The following PCSK6 variants were observed in gnomAD, a reference collection of about 807,000 sequenced individuals.
PCSK6 encodes proprotein convertase subtilisin/kexin type 6.
In PCSK6, 85 loss-of-function variants were observed where a neutral mutation model predicts 123.3. That is an observed-to-expected ratio of 0.69 (90% confidence interval 0.58 to 0.83). The LOEUF (loss-of-function observed/expected upper bound fraction) is 0.83, where lower values mean the gene tolerates loss of function less well. Among genes scored for constraint, PCSK6 ranks in the 40% least tolerant of loss-of-function variants. PCSK6 has a pLI of 0.00. For synonymous variants in PCSK6, 508 were observed against 516.0 expected (o/e 0.98, Z 0.21); for missense variants, 1,191 against 1,282.3 (o/e 0.93, Z 1.09).
At chr15:101,488,488 A>AGGGCTGCG (rs2058073849) in intron 1 of PCSK6, among the ~76,000 whole-genome samples, 1 of 152,102 alleles carries the variant, frequency 6.6e-6, no homozygotes, top group Non-Finnish European at 1.5e-5. Flanking sequence ...GGGACAGCCG[A>AGGGCTGCG]GGGCTGCGGG....
chr15:101,312,707 C>A (rs547265259), intron 20 of PCSK6, among the ~76,000 whole-genome samples: 2 of 152,246 alleles, frequency 1.3e-5, no homozygotes, highest in Admixed American at 6.5e-5. Context: ...TGGCGGGTGC[C>A]TGTAGTCCCA....
intron 6 of PCSK6, among the ~76,000 whole-genome samples, chr15:101,403,951 C>G (rs1378597054): frequency 6.6e-6 from 1 of 152,190 alleles, no homozygotes; most frequent in Non-Finnish European, 1.5e-5. Flanking sequence ...GAACTCCTGA[C>G]TTCAGGTGAT....
intron 7 of PCSK6, among the ~76,000 whole-genome samples, chr15:101,396,150 A>T (rs1340604408): frequency 6.6e-6 from 1 of 152,138 alleles, no homozygotes; most frequent in African/African-American, 2.4e-5. Flanking sequence ...CTTCCAAATG[A>T]CGAAAAAAAA....
chr15:101,433,460 C>T (rs568443011), intron 2 of PCSK6, among the ~76,000 whole-genome samples: 1 of 152,318 alleles, frequency 6.6e-6, no homozygotes, highest in Non-Finnish European at 1.5e-5. Flanking sequence ...TTCAGCCTGG[C>T]TCTGGGGCCT....
intron 13 of PCSK6, among the ~76,000 whole-genome samples, chr15:101,343,381 T>C (rs1244299627): frequency 6.6e-6 from 1 of 152,126 alleles, no homozygotes; most frequent in African/African-American, 2.4e-5. Context: ...ATTCCTTCTT[T>C]CTTCATTCTT....
At chr15:101,312,532 C>G (rs1214232430) in intron 20 of PCSK6, 2 of 151,868 alleles carry the variant, frequency 1.3e-5, no homozygotes, top group African/African-American at 4.9e-5. Flanking sequence ...AAGTATCTAA[C>G]TAAAAAAAAT....
intron 1 of PCSK6, among the ~76,000 whole-genome samples, chr15:101,488,714 G>A (rs917803356): frequency 9.2e-5 from 14 of 152,084 alleles, no homozygotes; most frequent in Non-Finnish European, 1.5e-4. Context: ...CGCTCCTGGA[G>A]AGGTTTTAAA....
chr15:101,467,524 C>T (rs1194321927), intron 1 of PCSK6, among the ~76,000 whole-genome samples: 1 of 152,154 alleles, frequency 6.6e-6, no homozygotes, highest in African/African-American at 2.4e-5. Flanking sequence ...CCACCTGCCT[C>T]AGCCTCCCAA....
At chr15:101,478,569 T>C (rs1409391362) in intron 1 of PCSK6, among the ~76,000 whole-genome samples, 2 of 152,176 alleles carry the variant, frequency 1.3e-5, no homozygotes, top group Admixed American at 6.5e-5. Context: ...CCTTTCCTCT[T>C]GTTCTTCTGC....
At chr15:101,352,529 T>G (rs1454433547) in intron 13 of PCSK6, among the ~76,000 whole-genome samples, 1 of 152,242 alleles carries the variant, frequency 6.6e-6, no homozygotes, top group Non-Finnish European at 1.5e-5. Context: ...TGGCCAATTA[T>G]CAATAACTCT....
intron 6 of PCSK6, among the ~76,000 whole-genome samples, chr15:101,409,772 T>C (rs1344455243): frequency 6.6e-6 from 1 of 152,044 alleles, no homozygotes; most frequent in Non-Finnish European, 1.5e-5. Context: ...ATTGCAAGCC[T>C]CCCTGAGAGA....
rs185661175 is a variant in PCSK6 at position 101,374,362 on chromosome 15, A to G, written c.1533-3839T>C. Among the ~76,000 whole-genome samples, 320 of 152,306 alleles carry G rather than the reference A, an allele frequency of 2.1e-3. 4 individuals are homozygous for G. Among genetic ancestry groups the G allele is most frequent in the Non-Finnish European group, 3.2e-4 (22 of 68,036 alleles). ...CAAGTAACCGAGTGCCAGGGGAAGC[A>G]GGAAGACGGGCCACAGGCTGAAACC... On this transcript the variant is annotated intron_variant, in intron 11 of 21. Coordinates refer to ENST00000611716, the MANE Select transcript of PCSK6 (RefSeq NM_002570.5).
chr15:101,435,217 C>T (rs2056563664), intron 2 of PCSK6, among the ~76,000 whole-genome samples: 1 of 152,044 alleles, frequency 6.6e-6, no homozygotes, highest in Non-Finnish European at 1.5e-5. Flanking sequence ...AAACTCCAGC[C>T]CTCCCATCGA....
intron 1 of PCSK6, among the ~76,000 whole-genome samples, chr15:101,474,006 T>G (rs552128510): frequency 6.6e-6 from 1 of 152,376 alleles, no homozygotes; most frequent in Admixed American, 6.5e-5. Context: ...CTTCTTGTTC[T>G]TGGCTAACGG....
intron 1 of PCSK6, among the ~76,000 whole-genome samples, chr15:101,461,016 T>C (rs1032031447): frequency 3.3e-5 from 5 of 151,896 alleles, no homozygotes; most frequent in African/African-American, 1.2e-4. Context: ...GGTAATACAA[T>C]TAGGACCAGA....
At chr15:101,341,548 C>T (rs1360563912) in intron 13 of PCSK6, among the ~76,000 whole-genome samples, 1 of 152,122 alleles carries the variant, frequency 6.6e-6, no homozygotes, top group Non-Finnish European at 1.5e-5. Context: ...AGGCATGAGT[C>T]CCCATGCCCG....
At chr15:101,387,506 A>G (rs370744148) in intron 9 of PCSK6, among the ~76,000 whole-genome samples, 2 of 152,238 alleles carry the variant, frequency 1.3e-5, no homozygotes, top group East Asian at 1.9e-4. Context: ...GAAAAAATCT[A>G]TTTTATTTTT....
At chr15:101,445,556 C>T (rs1248640678) in intron 1 of PCSK6, among the ~76,000 whole-genome samples, 2 of 152,190 alleles carry the variant, frequency 1.3e-5, no homozygotes, top group African/African-American at 4.8e-5. Context: ...TCACCTTGCT[C>T]ACTTCTTCAA....
At chr15:101,477,244 C>CGTGT (rs536606180) in intron 1 of PCSK6, among the ~76,000 whole-genome samples, 4 of 151,334 alleles carry the variant, frequency 2.6e-5, no homozygotes, top group East Asian at 1.9e-4. Context: ...TATGTGTGTG[C>CGTGT]GTGTGTGTGT....
Sources: allele counts gnomAD v4.1 joint callset (sites outside exome capture counted in the v4.1 genomes callset), GRCh38; gene constraint gnomAD v4.1.1; transcripts MANE v1.5; gene names NCBI Gene and HGNC (gene_info 2026-07-23, HGNC 2026-07-21).